Variants in MAP4 observed in about 807,000 individuals in gnomAD.
MAP4 encodes microtubule associated protein 4.
In MAP4, 76 loss-of-function variants were observed where a neutral mutation model predicts 170.2. The observed-to-expected ratio is 0.45, with a 90% confidence interval of 0.37 to 0.54. The LOEUF (loss-of-function observed/expected upper bound fraction) is 0.54, where lower values mean the gene tolerates loss of function less well. Among genes scored for constraint, MAP4 ranks in the 20% least tolerant of loss-of-function variants. The pLI is 0.00. For missense variants in MAP4, 2,506 were observed against 2,748.0 expected (o/e 0.91, Z 1.97); for synonymous variants, 909 against 994.5 (o/e 0.91, Z 1.62).
chr3:47,950,474 G>C (rs923311509), intron 3 of MAP4, among the ~76,000 whole-genome samples: 1 of 152,050 alleles, frequency 6.6e-6, no homozygotes, highest in African/African-American at 2.4e-5. Flanking sequence ...ATAATATACT[G>C]GCAAAAACCT....
intron 1 of MAP4, among the ~76,000 whole-genome samples, chr3:48,072,687 G>A (rs1258000064): frequency 6.6e-6 from 1 of 152,122 alleles, no homozygotes; most frequent in African/African-American, 2.4e-5. Flanking sequence ...GAAGAGCAGA[G>A]ACAAACGTGA....
rs1419933290 is a variant in MAP4 at position 47,912,231 on chromosome 3, T to G, written c.2190A>C (p.Ser730=). ...SLSESGWVSG[S]SSCGGPGNQR... Reference sequence around the variant, plus strand: ...GGTTCCCAGGCCCACCACAGGAGGATGAACCAGAGACCCAACCTGACTCAG... The same window carrying G: ...GGTTCCCAGGCCCACCACAGGAGGAGGAACCAGAGACCCAACCTGACTCAG... The change falls in exon 9 of 21, where the codon TCA becomes TCC. Residue 730 remains serine, a synonymous_variant. Transcript: ENST00000683076. The G allele has an allele frequency of 6.5e-7, 1 of 1,536,134 alleles. No homozygotes were observed. The highest frequency in any genetic ancestry group is 1.2e-5 in the South Asian group (1 of 84,062).
At chr3:48,061,795 G>A (rs1427128912) in intron 1 of MAP4, among the ~76,000 whole-genome samples, 1 of 149,706 alleles carries the variant, frequency 6.7e-6, no homozygotes, top group Admixed American at 6.6e-5. Flanking sequence ...AGGGAGGTGG[G>A]GGGCAGCCCC....
chr3:47,863,168 G>T (rs1394428700), intron 17 of MAP4, among the ~76,000 whole-genome samples: 1 of 152,108 alleles, frequency 6.6e-6, no homozygotes, highest in Non-Finnish European at 1.5e-5. Context: ...TAGAGACGGG[G>T]TTTCTCCATG....
At chr3:47,944,366 C>A (rs2100058368) in intron 3 of MAP4, among the ~76,000 whole-genome samples, 1 of 151,932 alleles carries the variant, frequency 6.6e-6, no homozygotes, top group African/African-American at 2.4e-5. Flanking sequence ...TCATTCTCCA[C>A]AGTCTGTTAT....
intron 10 of MAP4, among the ~76,000 whole-genome samples, chr3:47,894,268 T>A (rs1204876851): frequency 6.6e-6 from 1 of 152,204 alleles, no homozygotes; most frequent in Non-Finnish European, 1.5e-5. Flanking sequence ...AGGAGAATCA[T>A]GATTCTAATT....
At chr3:47,952,936 A>T (rs1398879904) in intron 3 of MAP4, among the ~76,000 whole-genome samples, 1 of 151,796 alleles carries the variant, frequency 6.6e-6, no homozygotes, top group Non-Finnish European at 1.5e-5. Flanking sequence ...AAAATAAATA[A>T]AATACAAAAA....
intron 4 of MAP4, among the ~76,000 whole-genome samples, chr3:47,925,878 C>T (rs930982260): frequency 6.6e-6 from 1 of 152,088 alleles, no homozygotes; most frequent in Non-Finnish European, 1.5e-5. Flanking sequence ...TTTTTGGAGA[C>T]AGAGTTTCGC....
chr3:47,868,340 T>C (rs934701182), intron 16 of MAP4, among the ~76,000 whole-genome samples: 6 of 152,240 alleles, frequency 3.9e-5, no homozygotes, highest in Non-Finnish European at 8.8e-5. Context: ...TACCTCATTG[T>C]ACCTACTCAT....
intron 1 of MAP4, among the ~76,000 whole-genome samples, chr3:48,005,724 G>T (rs1313030409): frequency 2.0e-5 from 3 of 152,188 alleles, no homozygotes; most frequent in Admixed American, 6.5e-5. Flanking sequence ...TCCCAGCTGG[G>T]AGGGTCCAGA....
chr3:48,050,769 G>A (rs1275486285), intron 1 of MAP4, among the ~76,000 whole-genome samples: 2 of 151,954 alleles, frequency 1.3e-5, no homozygotes, highest in African/African-American at 4.8e-5. Context: ...GCTGGGCATG[G>A]TGGCGCATGC....
intron 12 of MAP4, among the ~76,000 whole-genome samples, chr3:47,874,257 C>T (rs2094484484): frequency 6.6e-6 from 1 of 152,122 alleles, no homozygotes; most frequent in Non-Finnish European, 1.5e-5. Flanking sequence ...CACCTGAGGT[C>T]AGGAGTTCGA....
rs764008356 is a variant in MAP4, at chr3:48,052,631, A to G, written c.-20+36142T>C. On this transcript the variant is annotated intron_variant, in intron 1 of 18. Transcript: ENST00000360240. Reference sequence around the variant, plus strand: ...AAGTGGCTGAACTGTATGTTTTATAAATTGTATCTCAATAGAGCTATTCTT... The same window carrying G: ...AAGTGGCTGAACTGTATGTTTTATAGATTGTATCTCAATAGAGCTATTCTT... Among the ~76,000 whole-genome samples the G allele has an allele frequency of 2.0e-5, 3 of 152,182 alleles. No individual in the cohort carries two copies. The South Asian group carries it at 6.2e-4, about 31-fold the overall frequency.
At position 47,908,291 on chromosome 3, in the gene MAP4, T is replaced by G. The variant is rs533419119; in HGVS notation, c.5383+747A>C. On this transcript the variant is annotated intron_variant, in intron 9 of 20. Transcript: ENST00000683076. ...CTTAATCTCATTCCAATTACTTGAC[T>G]GAATAGAGCCAAAAAAGAGTAAAAT... Among the ~76,000 whole-genome samples, 11 of 152,282 alleles carry G rather than the reference T, an allele frequency of 7.2e-5. No individual in the cohort carries two copies. In the East Asian group the frequency reaches 2.1e-3, roughly 29 times the overall value.
chr3:47,891,236 T>C, intron 10 of MAP4: 5 of 1,536,288 alleles, frequency 3.3e-6, no homozygotes, highest in Middle Eastern at 1.7e-4. Flanking sequence ...ACTATGGAGA[T>C]ATAATCCAGC....
chr3:47,936,719 G>A (rs1403549990), intron 3 of MAP4, among the ~76,000 whole-genome samples: 2 of 151,818 alleles, frequency 1.3e-5, no homozygotes, highest in Non-Finnish European at 2.9e-5. Flanking sequence ...GGTGGCTGGC[G>A]CCTGTAATCC....
intron 10 of MAP4, among the ~76,000 whole-genome samples, chr3:47,881,990 T>C (rs2096844579): frequency 6.6e-6 from 1 of 152,156 alleles, no homozygotes; most frequent in African/African-American, 2.4e-5. Context: ...AAATAATTCC[T>C]GATGGCCAGG....
chr3:47,936,968 G>A (rs1319474201), intron 3 of MAP4, among the ~76,000 whole-genome samples: 3 of 128,494 alleles, frequency 2.3e-5, no homozygotes, highest in Admixed American at 8.8e-5. Flanking sequence ...TGACAAGAGC[G>A]AAACTCCGTC....
chr3:48,022,679 A>G (rs2100111121), intron 1 of MAP4, among the ~76,000 whole-genome samples: 1 of 152,104 alleles, frequency 6.6e-6, no homozygotes, highest in African/African-American at 2.4e-5. Flanking sequence ...TCACAAGGTC[A>G]AGAGATGGAG....
Sources: gnomAD v4.1 joint callset for allele counts (sites outside exome capture counted in the v4.1 genomes callset) on GRCh38, gnomAD v4.1.1 for gene constraint, MANE v1.5 for transcripts, NCBI Gene and HGNC (gene_info 2026-07-23, HGNC 2026-07-21) for gene names.